MSANTD1: variants seen among roughly 807,000 people sequenced by gnomAD.
The protein encoded by MSANTD1 is myb/SANT-like DNA-binding domain-containing protein 1.
Under a neutral mutation model 24.2 loss-of-function variants are expected in MSANTD1, and 7 were observed. That is an observed-to-expected ratio of 0.29 (90% CI 0.16 to 0.54). MSANTD1 has a LOEUF of 0.54. Ranked by LOEUF, MSANTD1 falls within the 20% of genes least tolerant of loss-of-function variation. The probability of loss-of-function intolerance (pLI) is 0.94; values close to 1 mark genes in which losing one functional copy is unlikely to be tolerated. For missense variants in MSANTD1, 384 were observed against 408.2 expected (o/e 0.94, Z 0.51); for synonymous variants, 177 against 181.1 (o/e 0.98, Z 0.18).
chr4:3,249,258 C>T lies in MSANTD1; in HGVS notation c.36C>T (p.Ser12=), dbSNP rs560028587. The part of the protein sequence containing the change: ...VRGAGPGPSL[S]ALSHPTGASG... ...GGGCCGGGCCGGGGCCCTCGCTGAG[C>T]GCGCTCTCTCACCCCACAGGCGCCT... is the stretch of plus-strand genomic sequence containing the variant. Residue 12 remains serine (S), a synonymous_variant, in exon 1 of 3, where the codon AGC becomes AGT. Coordinates refer to ENST00000438480, the MANE Select transcript of MSANTD1 (RefSeq NM_001042690.2). 3.7e-5 allele frequency: 54 copies of T among 1,476,738 alleles called. 1 individual carries two copies. The Admixed American group carries it at 4.5e-4, about 12-fold the overall frequency. The allele number at this position is 1,476,738 out of a possible 1,614,324, so 91.5% of individuals were successfully genotyped here.
upstream of MSANTD1, among the ~76,000 whole-genome samples, chr4:3,247,009 C>T (rs1468053283): frequency 6.6e-6 from 1 of 152,146 alleles, no homozygotes; most frequent in Non-Finnish European, 1.5e-5. Context: ...CCTCTAGAGC[C>T]GTCCGGTGGG....
chr4:3,251,920 A>T lies in MSANTD1; in HGVS notation c.321-1287A>T, dbSNP rs1009429573. 4.6e-5 allele frequency among the ~76,000 whole-genome samples: 7 copies of T among 152,298 alleles called. No homozygotes were observed. In the East Asian group the frequency reaches 1.4e-3, roughly 29 times the overall value. The stretch of plus-strand genomic sequence containing the variant: ...GGATGGGCACCCAGCGCCTGCCCTC[A>T]CACGCTCTGTGCTGGTGTCTTCACA... On this transcript the variant is annotated intron_variant, in intron 1 of 2. Transcript: ENST00000438480.
chr4:3,251,497 C>A (rs550847765), intron 1 of MSANTD1, among the ~76,000 whole-genome samples: 195 of 152,224 alleles, frequency 1.3e-3, no homozygotes, highest in Admixed American at 2.2e-3. Flanking sequence ...CACTTCCACA[C>A]CGCAGCCCCT....
chr4:3,253,862 G>A (rs1202489399), intron 2 of MSANTD1, among the ~76,000 whole-genome samples: 2 of 152,186 alleles, frequency 1.3e-5, no homozygotes, highest in African/African-American at 2.4e-5. Flanking sequence ...CCCAGAATGC[G>A]CCCCCTGGCC....
At chr4:3,250,738 C>T (rs1311279540) in intron 1 of MSANTD1, among the ~76,000 whole-genome samples, 1 of 152,202 alleles carries the variant, frequency 6.6e-6, no homozygotes, top group African/African-American at 2.4e-5. Context: ...GCTGCTCCAC[C>T]TCCGGGTCAG....
intron 1 of MSANTD1, among the ~76,000 whole-genome samples, chr4:3,249,753 A>G (rs976216599): frequency 6.6e-6 from 1 of 152,202 alleles, no homozygotes; most frequent in African/African-American, 2.4e-5. Context: ...AAGTGGGGAA[A>G]CTGAGGCCCA....
intron 1 of MSANTD1, among the ~76,000 whole-genome samples, chr4:3,249,972 C>G (rs1722169087): frequency 6.6e-6 from 1 of 152,230 alleles, no homozygotes; most frequent in South Asian, 2.1e-4. Flanking sequence ...ACCAAGCTCC[C>G]AAGCTCAGCA....
chr4:3,251,676 C>CT (rs1314006318), intron 1 of MSANTD1, among the ~76,000 whole-genome samples: 12 of 142,096 alleles, frequency 8.4e-5, no homozygotes, highest in South Asian at 2.2e-4. Flanking sequence ...AGAGGCTTTT[C>CT]TTTTTTTTTT....
chr4:3,247,719 G>A (rs1180856838), upstream of MSANTD1: 1 of 152,308 alleles, frequency 6.6e-6, no homozygotes, highest in Non-Finnish European at 1.5e-5. Context: ...AGACCCCTCT[G>A]AGTTCCTCAC....
Position 3,249,411 on chromosome 4 carries a change from C to T in MSANTD1, c.189C>T (p.Asp63=), listed in dbSNP as rs754323777. ...GLMLVWEEFF[D]ELKQTKRNAK... is the part of the protein sequence containing the mutation. ...TGCTGGTCTGGGAGGAGTTCTTCGA[C>T]GAGCTCAAGCAGACCAAGCGCAACG... The change falls in exon 1 of 3, where the codon GAC becomes GAT. Residue 63 remains aspartate (D), a synonymous_variant. Coordinates refer to ENST00000438480, the MANE Select transcript of MSANTD1 (RefSeq NM_001042690.2). 1.9e-5 allele frequency: 31 copies of T among 1,603,530 alleles called. No homozygotes were observed. The highest frequency in any genetic ancestry group is 3.4e-5 in the South Asian group (3 of 88,720).
At position 3,249,502 on chromosome 4, in the gene MSANTD1, GAGATCA is replaced by G; in HGVS notation, c.293_298del (p.Lys98_Ile99del). ...GACCGGCGAGCGCAGGCTGGGCGAG[GAGATCA>G]AGATCAAGATCACCAACATGACCTT... On this transcript the variant is annotated inframe_deletion, in exon 1 of 3. Coordinates refer to ENST00000438480, the MANE Select transcript of MSANTD1 (RefSeq NM_001042690.2). 6.2e-7 allele frequency: 1 copy of G among 1,611,988 alleles called. No homozygotes were observed. Among genetic ancestry groups the G allele is most frequent in the South Asian group, 1.1e-5 (1 of 90,736 alleles).
upstream of MSANTD1, chr4:3,247,592 C>A: frequency 6.6e-6 from 1 of 152,482 alleles, no homozygotes. Flanking sequence ...GGAGATGCCC[C>A]AGTGCCAGGC....
At chr4:3,249,607 G>T in intron 1 of MSANTD1, 65 bp downstream of exon 1, 1 of 1,446,476 alleles carries the variant, frequency 6.9e-7, no homozygotes, top group South Asian at 1.3e-5. Flanking sequence ...GGCCGCTCCT[G>T]ACTTTCTTGG....
chr4:3,246,805 G>A (rs907315683), upstream of MSANTD1: 14 of 576,252 alleles, frequency 2.4e-5, no homozygotes, highest in Non-Finnish European at 3.4e-5. Flanking sequence ...GCTCTGCCTC[G>A]GGAAAGGCCA....
At position 3,253,236 on chromosome 4, in the gene MSANTD1, C is replaced by A; in HGVS notation, c.350C>A (p.Ser117Tyr). 1 of 1,577,964 alleles carries A rather than the reference C, an allele frequency of 6.3e-7. No individual in the cohort carries two copies. The highest frequency in any genetic ancestry group is 8.6e-7 in the Non-Finnish European group (1 of 1,157,444). ...TTAAAATGCATGACAGATAGCGAGTCCGCCCCGCCCGACTGGCCCTATTAC... is the reference window on the plus strand; with the variant it reads ...TTAAAATGCATGACAGATAGCGAGTACGCCCCGCCCGACTGGCCCTATTAC... ...RKLKCMTDSE[S>Y]APPDWPYYLA... is the part of the protein sequence containing the mutation. The change falls in exon 2 of 3, where the codon TCC becomes TAC. Residue 117 changes from serine (S) to tyrosine (Y), a missense_variant. Transcript: ENST00000438480.
chr4:3,253,705 C>T (rs533524317), intron 2 of MSANTD1, among the ~76,000 whole-genome samples: 17 of 152,314 alleles, frequency 1.1e-4, no homozygotes, highest in African/African-American at 3.1e-4. Context: ...TTGAGCTGCA[C>T]GGAAAGTTCC....
chr4:3,253,101 G>A (rs1181265111), intron 1 of MSANTD1, 106 bp from the exon 2 acceptor site: 4 of 1,207,888 alleles, frequency 3.3e-6, no homozygotes, highest in South Asian at 1.9e-5. Flanking sequence ...AGCCGAGAGC[G>A]GCTCCTGCCT....
upstream of MSANTD1, chr4:3,245,413 G>A (rs765588887): frequency 3.3e-5 from 5 of 152,390 alleles, no homozygotes; most frequent in South Asian, 2.1e-4. Context: ...GAGGGAAGTA[G>A]CCAGGGTGAG....
Position 3,256,100 on chromosome 4 carries a change from G to T in MSANTD1, c.*135G>T, listed in dbSNP as rs1722385264. 1 of 1,144,864 alleles carries T rather than the reference G, an allele frequency of 8.7e-7. No individual in the cohort carries two copies. The highest frequency in any genetic ancestry group is 1.2e-6 in the Non-Finnish European group (1 of 855,460). 70.9% of individuals were successfully genotyped at this position (1,144,864 alleles called of 1,614,324 possible). A position where few individuals can be genotyped will look rare whatever the true frequency, so the allele number is the denominator to read the frequency against. ...ACCGCCTTCCACCTGGCCTCTGGCA[G>T]GATGTCCCTTCTGAGGGGTATTTTG... On this transcript the variant is annotated 3_prime_UTR_variant, in exon 3 of 3. Transcript: ENST00000438480.
Sources: gnomAD v4.1 joint callset for allele counts (sites outside exome capture counted in the v4.1 genomes callset) on GRCh38, gnomAD v4.1.1 for gene constraint, MANE v1.5 for transcripts, NCBI Gene and HGNC (gene_info 2026-07-23, HGNC 2026-07-21) for gene names.